The following CLDN14 variants were observed in gnomAD, a reference collection of about 807,000 sequenced individuals.
The protein encoded by CLDN14 is claudin 14, also known as claudin-14.
Under a neutral mutation model 2.1 loss-of-function variants are expected in CLDN14, and 2 were observed. The observed-to-expected ratio is 0.96, with a 90% CI of 0.39 to 3.01. The LOEUF (loss-of-function observed/expected upper bound fraction) is 3.01, where lower values mean the gene tolerates loss of function less well. Ranked by LOEUF, CLDN14 falls within the 30% of genes most tolerant of loss-of-function variation. CLDN14 has a pLI of 0.09. For missense variants in CLDN14, 298 were observed against 328.0 expected (o/e 0.91, Z 0.71); for synonymous variants, 136 against 154.4 (o/e 0.88, Z 0.88).
chr21:36,496,079 T>C (rs1366124525), intron 2 of CLDN14, among the ~76,000 whole-genome samples: 2 of 152,110 alleles, frequency 1.3e-5, no homozygotes, highest in African/African-American at 4.8e-5. Flanking sequence ...TTTTAAGCCA[T>C]CGAATTTGAA....
In CLDN14 at chr21:36,461,540, C is replaced by T. The variant is rs1481757019; in HGVS notation, c.156G>A (p.Met52Ile). The T allele has an allele frequency of 1.9e-6, 3 of 1,613,288 alleles. No individual in the cohort carries two copies. Among genetic ancestry groups the T allele is most frequent in the African/African-American group, 1.3e-5 (1 of 74,946 alleles). Residue 52 changes from methionine to isoleucine, a missense_variant, in exon 2 of 2, where the codon ATG becomes ATA. Met to Ile is a conservative substitution (Grantham distance 10). Transcript: ENST00000399135. Reference sequence around the variant, plus strand: ...TGCCTGTGCTGTGCCACACACACTCCATCCAGAGCCCTTTCAGGTAGGACA... The same window carrying T: ...TGCCTGTGCTGTGCCACACACACTCTATCCAGAGCCCTTTCAGGTAGGACA... The part of the protein sequence containing the change: ...TAVSYLKGLW[M>I]ECVWHSTGIY...
intron 1 of CLDN14, among the ~76,000 whole-genome samples, chr21:36,569,300 C>T (rs554607513): frequency 3.3e-5 from 5 of 152,118 alleles, no homozygotes; most frequent in African/African-American, 7.2e-5. Flanking sequence ...TCTGTAGTTC[C>T]AGCTACTCAG....
upstream of CLDN14, among the ~76,000 whole-genome samples, chr21:36,484,040 A>G (rs954752568): frequency 6.6e-6 from 1 of 152,214 alleles, no homozygotes; most frequent in African/African-American, 2.4e-5. Flanking sequence ...AGGAGGATGC[A>G]GGACTTATGG....
chr21:36,569,525 GCTAA>G (rs1254966966), intron 1 of CLDN14, among the ~76,000 whole-genome samples: 3 of 152,086 alleles, frequency 2.0e-5, no homozygotes, highest in Admixed American at 2.0e-4. Context: ...AAATATGATC[GCTAA>G]CTAACAGATG....
At position 36,461,324 on chromosome 21, in the gene CLDN14, G is replaced by A. The variant is rs1395409995; in HGVS notation, c.372C>T (p.Leu124=). The A allele has an allele frequency of 6.2e-7, 1 of 1,613,494 alleles. No homozygotes were observed. Among genetic ancestry groups the A allele is most frequent in the Non-Finnish European group, 8.5e-7 (1 of 1,179,998 alleles). The change falls in exon 2 of 2, where the codon CTC becomes CTT. Residue 124 remains leucine (L), a synonymous_variant. Transcript: ENST00000399135. ...KTTFAILGGT[L]FILAGLLCMV... ...TGCACAGGAGGCCGGCCAGGATGAA[G>A]AGGGTGCCGCCGAGGATGGCAAAGG...
chr21:36,490,374 AT>A (rs886962244), intron 2 of CLDN14, among the ~76,000 whole-genome samples: 5 of 136,178 alleles, frequency 3.7e-5, no homozygotes, highest in African/African-American at 5.6e-5. Context: ...TGCTAGTTCA[AT>A]TTTTTTTTAA....
intron 1 of CLDN14, among the ~76,000 whole-genome samples, chr21:36,543,991 G>C (rs2087510361): frequency 6.6e-6 from 1 of 152,214 alleles, no homozygotes; most frequent in African/African-American, 2.4e-5. Context: ...GGATCCCCAA[G>C]GCTGCAGCCA....
At chr21:36,490,385 ATTT>A (rs71198817) in intron 2 of CLDN14, among the ~76,000 whole-genome samples, 24 of 102,078 alleles carry the variant, frequency 2.4e-4, no homozygotes, top group East Asian at 3.2e-4. Flanking sequence ...TTTTTTTTTA[ATTT>A]TTTTTTTTTT....
chr21:36,470,725 A>G (rs59358275), intron 1 of CLDN14, among the ~76,000 whole-genome samples: 2,170 of 152,274 alleles, frequency 0.014, 37 homozygotes, highest in African/African-American at 0.047. Flanking sequence ...TATAATCCCA[A>G]CACTTTGGGA....
intron 1 of CLDN14, among the ~76,000 whole-genome samples, chr21:36,535,451 A>G (rs1234730242): frequency 1.3e-5 from 2 of 151,972 alleles, no homozygotes; most frequent in Non-Finnish European, 2.9e-5. Flanking sequence ...ATTTATAAAG[A>G]CCACATGGTA....
At chr21:36,465,700 G>A (rs1256089970) in intron 1 of CLDN14, among the ~76,000 whole-genome samples, 1 of 152,226 alleles carries the variant, frequency 6.6e-6, no homozygotes, top group Admixed American at 6.5e-5. Flanking sequence ...CTCCCAGGGG[G>A]AGCAGCCCAT....
intron 1 of CLDN14, 56 bp downstream of exon 1, chr21:36,479,439 A>T (rs571857174): frequency 1.3e-5 from 2 of 152,268 alleles, no homozygotes; most frequent in East Asian, 3.9e-4. Flanking sequence ...TCCAAAACAG[A>T]TGACTGTCAA....
chr21:36,464,072 A>T (rs933327097), intron 1 of CLDN14, among the ~76,000 whole-genome samples: 2 of 152,142 alleles, frequency 1.3e-5, no homozygotes, highest in African/African-American at 4.8e-5. Flanking sequence ...TGGGAAGCAA[A>T]TGAATCACGG....
Position 36,499,252 on chromosome 21 carries a change from A to G in CLDN14, c.-82+11111T>C, listed in dbSNP as rs939571583. On this transcript the variant is annotated intron_variant, in intron 2 of 2. Coordinates refer to the CLDN14 transcript ENST00000342108. This position sits in a 1 kb window ranked among gnomAD's most constrained non-coding sequence, Gnocchi z 4.7. ...GGGCCATTGCTTTCAGCTTTCTCCAAGGTTTTTGTTTGTTTGTTTGTCGGT... is the reference window on the plus strand; with the variant it reads ...GGGCCATTGCTTTCAGCTTTCTCCAGGGTTTTTGTTTGTTTGTTTGTCGGT... Among the ~76,000 whole-genome samples, 2 of 152,078 alleles carry G rather than the reference A, an allele frequency of 1.3e-5. No individual in the cohort carries two copies. Among genetic ancestry groups the G allele is most frequent in the African/African-American group, 2.4e-5 (1 of 41,410 alleles).
intron 1 of CLDN14, among the ~76,000 whole-genome samples, chr21:36,543,870 A>G (rs568589770): frequency 3.3e-5 from 5 of 152,322 alleles, no homozygotes; most frequent in Non-Finnish European, 7.3e-5. Flanking sequence ...CCACCCCCAT[A>G]CTGTGGCATT....
At position 36,468,027 on chromosome 21, in the gene CLDN14, T is replaced by C. The variant is rs151176096; in HGVS notation, c.-81-6251A>G. On this transcript the variant is annotated intron_variant, in intron 1 of 1. Coordinates refer to ENST00000399135, the MANE Select transcript of CLDN14 (RefSeq NM_001146079.2). ...GTGGTCTGAATGGCTCTCGAGATGT[T>C]TGGGAACGAGCCATTATATATGTTT... Among the ~76,000 whole-genome samples the C allele has an allele frequency of 4.9e-3, 740 of 152,278 alleles. 4 individuals are homozygous for C. Among genetic ancestry groups the C allele is most frequent in the African/African-American group, 0.016 (656 of 41,550 alleles).
intron 1 of CLDN14, among the ~76,000 whole-genome samples, chr21:36,535,326 G>A (rs1338358087): frequency 6.6e-6 from 1 of 152,168 alleles, no homozygotes. Flanking sequence ...GGAGGTGGAG[G>A]TTGTGGTGGG....
At chr21:36,496,731 AAGGGAGGG>A (rs746937873) in intron 2 of CLDN14, among the ~76,000 whole-genome samples, 4 of 4,256 alleles carry the variant, frequency 9.4e-4, no homozygotes, top group Non-Finnish European at 3.8e-3. Context: ...GGGAGGGAGG[AAGGGAGGG>A]AGGAAGGAAG....
upstream of CLDN14, among the ~76,000 whole-genome samples, chr21:36,482,403 TGGATAGAC>T (rs2086855760): frequency 3.6e-5 from 5 of 137,008 alleles, 1 homozygote; most frequent in Admixed American, 2.3e-4. Context: ...GATGGATGGA[TGGATAGAC>T]GGATGGATGG....
Sources: allele counts gnomAD v4.1 joint callset (sites outside exome capture counted in the v4.1 genomes callset), GRCh38; gene constraint gnomAD v4.1.1; non-coding constraint Gnocchi (gnomAD v3.1); transcripts MANE v1.5; gene names NCBI Gene and HGNC (gene_info 2026-07-23, HGNC 2026-07-21).